The following SYN3 variants were observed in gnomAD, a reference collection of about 807,000 sequenced individuals.
SYN3 encodes the protein synapsin-3.
In SYN3, 35 loss-of-function variants were observed where a neutral mutation model predicts 65.8. The ratio of observed to expected loss-of-function variants is 0.53; its 90% CI spans 0.41 to 0.70. The LOEUF is 0.70. Ranked by LOEUF, SYN3 falls within the 30% of genes least tolerant of loss-of-function variation. The probability of loss-of-function intolerance (pLI) is 0.00; values close to 1 mark genes in which losing one functional copy is unlikely to be tolerated. For synonymous variants in SYN3, 270 were observed against 292.9 expected, an observed-to-expected ratio of 0.92 and a Z score of 0.80; for missense variants, 680 against 749.0, an observed-to-expected ratio of 0.91 and a Z score of 1.08.
chr22:32,639,233 A>G lies in SYN3; in HGVS notation c.712-42497T>C, dbSNP rs573859707. On this transcript the variant is annotated intron_variant, in intron 6 of 13. Transcript: ENST00000358763. ...CTCCCAAAGTGCTGGGATTACAGGC[A>G]TGAGCCACCACGCCTGGCCCATTTT... Among the ~76,000 whole-genome samples the G allele has an allele frequency of 6.6e-5, 10 of 152,212 alleles. No homozygotes were observed. In the East Asian group the frequency reaches 1.6e-3, roughly 24 times the overall value.
chr22:32,717,889 G>A (rs775468794), intron 6 of SYN3, among the ~76,000 whole-genome samples: 1 of 152,080 alleles, frequency 6.6e-6, no homozygotes, highest in African/African-American at 2.4e-5. Flanking sequence ...ACCCCGTGGC[G>A]GCCTCATCTT....
chr22:32,701,864 T>C (rs892210190), intron 6 of SYN3, among the ~76,000 whole-genome samples: 5 of 151,800 alleles, frequency 3.3e-5, no homozygotes, highest in Admixed American at 3.3e-4. Context: ...AAAATATTAA[T>C]GAAAAAAATG....
At chr22:32,551,875 G>A (rs2058420959) in intron 7 of SYN3, among the ~76,000 whole-genome samples, 1 of 152,196 alleles carries the variant, frequency 6.6e-6, no homozygotes. Context: ...AGAGGAATGG[G>A]TAGTCACTGC....
intron 6 of SYN3, among the ~76,000 whole-genome samples, chr22:32,656,322 T>C (rs1209516976): frequency 2.6e-5 from 4 of 152,116 alleles, no homozygotes; most frequent in African/African-American, 9.7e-5. Flanking sequence ...TGCTCATCCA[T>C]AAATTGGGAA....
chr22:32,556,042 C>G (rs148237076), intron 7 of SYN3, among the ~76,000 whole-genome samples: 1,625 of 152,236 alleles, frequency 0.011, 9 homozygotes, highest in Non-Finnish European at 0.016. Context: ...TGGGGACTTG[C>G]AAAAACCCTA....
chr22:32,858,150 G>A, intron 6 of SYN3: 1 of 1,612,236 alleles, frequency 6.2e-7, no homozygotes, highest in Non-Finnish European at 8.5e-7. Flanking sequence ...TAAGCTCTGG[G>A]GTCACTGGGG....
intron 6 of SYN3, among the ~76,000 whole-genome samples, chr22:32,619,953 T>C (rs1464744798): frequency 6.6e-6 from 1 of 152,064 alleles, no homozygotes; most frequent in Non-Finnish European, 1.5e-5. Context: ...CCAGCTGACC[T>C]CCAAACACAG....
intron 6 of SYN3, among the ~76,000 whole-genome samples, chr22:32,695,426 C>A (rs1330662639): frequency 6.6e-6 from 1 of 152,086 alleles, no homozygotes; most frequent in Non-Finnish European, 1.5e-5. Flanking sequence ...CTGTTATTTT[C>A]TCAGGGATGG....
chr22:32,718,756 G>C (rs954700677), intron 6 of SYN3, among the ~76,000 whole-genome samples: 1 of 151,880 alleles, frequency 6.6e-6, no homozygotes, highest in African/African-American at 2.4e-5. Context: ...ATGAAGACAG[G>C]ATCAATGAAC....
chr22:32,866,834 T>G (rs2048699962), intron 5 of SYN3, among the ~76,000 whole-genome samples: 1 of 152,230 alleles, frequency 6.6e-6, no homozygotes, highest in African/African-American at 2.4e-5. Context: ...AATTAATGCA[T>G]GTAGCCATTC....
intron 3 of SYN3, among the ~76,000 whole-genome samples, chr22:32,979,513 A>G (rs545588042): frequency 1.3e-5 from 2 of 152,348 alleles, no homozygotes; most frequent in East Asian, 3.9e-4. Flanking sequence ...GGTAAGCTCA[A>G]AAAGTGCAGG....
At chr22:32,748,777 G>A (rs1297910910) in intron 6 of SYN3, among the ~76,000 whole-genome samples, 1 of 152,158 alleles carries the variant, frequency 6.6e-6, no homozygotes, top group East Asian at 1.9e-4. Context: ...GGCCAACTAC[G>A]ATGGAACATT....
intron 7 of SYN3, among the ~76,000 whole-genome samples, chr22:32,549,821 G>A (rs1048352544): frequency 4.0e-5 from 6 of 151,568 alleles, no homozygotes; most frequent in South Asian, 2.1e-4. Context: ...CCCAGGAGGT[G>A]GAGGTTGCAG....
chr22:32,511,529 G>A lies in SYN3; in HGVS notation c.*2163C>T, dbSNP rs2057691213. On this transcript the variant is annotated 3_prime_UTR_variant, in exon 14 of 14. Coordinates refer to ENST00000358763, the MANE Select transcript of SYN3 (RefSeq NM_003490.4). ...AGGGAGATGTGTTACTGGGCAGAGT[G>A]AGCTCCAGACATGCCAGACATGCAG... is the stretch of plus-strand genomic sequence containing the variant. Among the ~76,000 whole-genome samples the A allele has an allele frequency of 6.6e-6, 1 of 152,236 alleles. No homozygotes were observed. Among genetic ancestry groups the A allele is most frequent in the Non-Finnish European group, 1.5e-5 (1 of 68,046 alleles).
intron 6 of SYN3, among the ~76,000 whole-genome samples, chr22:32,603,074 G>A (rs1398474984): frequency 1.3e-5 from 2 of 151,602 alleles, no homozygotes; most frequent in Non-Finnish European, 2.9e-5. Context: ...CGGATGCCAT[G>A]GCATTGCATA....
chr22:32,780,943 T>TTCCTTCCTTCCTTCCTTCCTTCCG lies in SYN3; in HGVS notation c.711+83971_711+83972insCGGAAGGAAGGAAGGAAGGAAGGA, dbSNP rs1426736133. On this transcript the variant is annotated intron_variant, in intron 6 of 13. Coordinates refer to ENST00000358763, the MANE Select transcript of SYN3 (RefSeq NM_003490.4). ...TTCCTTCCTTCCTTCCTTTCCTTCC[T>TTCCTTCCTTCCTTCCTTCCTTCCG]TCCTTCCTTCCTTCCTTCCTTCCTT... 1.1e-3 allele frequency among the ~76,000 whole-genome samples: 71 copies of TTCCTTCCTTCCTTCCTTCCTTCCG among 64,108 alleles called. 1 individual carries two copies. Among genetic ancestry groups the TTCCTTCCTTCCTTCCTTCCTTCCG allele is most frequent in the African/African-American group, 4.2e-3 (69 of 16,580 alleles). 42.1% of individuals were successfully genotyped at this position (64,108 alleles called of 152,430 possible).
intron 6 of SYN3, among the ~76,000 whole-genome samples, chr22:32,602,731 A>C: frequency 6.6e-6 from 1 of 152,186 alleles, no homozygotes; most frequent in East Asian, 1.9e-4. Context: ...AAGTGCTGAG[A>C]TTACAGGCGT....
At chr22:33,037,012 C>G (rs1008992937) in intron 1 of SYN3, among the ~76,000 whole-genome samples, 3 of 152,134 alleles carry the variant, frequency 2.0e-5, no homozygotes, top group African/African-American at 7.2e-5. Flanking sequence ...CCAATCACCC[C>G]TTTGAGTTAC....
chr22:32,790,174 C>G (rs2046289132), intron 6 of SYN3, among the ~76,000 whole-genome samples: 1 of 152,144 alleles, frequency 6.6e-6, no homozygotes, highest in Non-Finnish European at 1.5e-5. Flanking sequence ...CAGTGTTTGC[C>G]AATTTCTGTG....
Sources: gnomAD v4.1 joint callset for allele counts (sites outside exome capture counted in the v4.1 genomes callset) on GRCh38, gnomAD v4.1.1 for gene constraint, MANE v1.5 for transcripts, NCBI Gene and HGNC (gene_info 2026-07-23, HGNC 2026-07-21) for gene names.